Variants in KDM1B observed in about 807,000 individuals in gnomAD.
The protein encoded by KDM1B is lysine demethylase 1B, also known as lysine-specific histone demethylase 2.
A neutral mutation model predicts 107.4 loss-of-function variants in KDM1B; 63 were observed. The observed-to-expected ratio is 0.59, with a 90% CI of 0.48 to 0.72. The LOEUF (loss-of-function observed/expected upper bound fraction) is 0.72. Among genes scored for constraint, KDM1B ranks in the 30% least tolerant of loss-of-function variants. The pLI, the probability that KDM1B is intolerant of heterozygous loss-of-function variation, is 0.00. For missense variants in KDM1B, 749 were observed against 1,020.8 expected (o/e 0.73, Z 3.63); for synonymous variants, 363 against 363.9 (o/e 1.00, Z 0.03).
At chr6:18,190,650 C>T (rs1787221198) in intron 9 of KDM1B, among the ~76,000 whole-genome samples, 1 of 151,944 alleles carries the variant, frequency 6.6e-6, no homozygotes, top group African/African-American at 2.4e-5. Flanking sequence ...CCTGTAATCC[C>T]AGCACTTTGG....
rs551502013 is a variant in KDM1B at position 18,205,773 on chromosome 6, C to G, written c.1659+109C>G. On this transcript the variant is annotated intron_variant, in intron 15 of 21. Coordinates refer to ENST00000650836, the MANE Select transcript of KDM1B (RefSeq NM_001364614.2). This position sits in a 1 kb window ranked among gnomAD's most constrained non-coding sequence, Gnocchi z 5.7. ...CTTTGGGAGGCCGAGGTGGGCAGAT[C>G]ATGAGGTCAGGAGATCGAGACCATC... The G allele has an allele frequency of 1.6e-4, 173 of 1,080,274 alleles. No individual in the cohort carries two copies. Among genetic ancestry groups the G allele is most frequent in the Non-Finnish European group, 2.1e-4 (170 of 815,906 alleles). 66.9% of individuals were successfully genotyped at this position (1,080,274 alleles called of 1,614,324 possible).
At position 18,204,631 on chromosome 6, in the gene KDM1B, C is replaced by T. The variant is rs528251403; in HGVS notation, c.1532-906C>T. 6.6e-6 allele frequency among the ~76,000 whole-genome samples: 1 copy of T among 152,168 alleles called. No homozygotes were observed. The highest frequency in any genetic ancestry group is 2.1e-4 in the South Asian group (1 of 4,832). ...CATCAAGCCAGAACCCTCTTCCAGC[C>T]CTGCTATAAAGGAATGTAAGACAAA... On this transcript the variant is annotated intron_variant, in intron 14 of 21. Transcript: ENST00000650836. The surrounding 1 kb of genome is among the most constrained non-coding windows in gnomAD (Gnocchi z 4.9).
intron 6 of KDM1B, among the ~76,000 whole-genome samples, chr6:18,170,946 G>C (rs1440628163): frequency 6.6e-6 from 1 of 151,886 alleles, no homozygotes; most frequent in Non-Finnish European, 1.5e-5. Flanking sequence ...TCAGCCTCCT[G>C]AGTAGCTGGG....
chr6:18,158,877 TTCTA>T (rs1784795921), intron 2 of KDM1B, among the ~76,000 whole-genome samples: 1 of 152,238 alleles, frequency 6.6e-6, no homozygotes, highest in African/African-American at 2.4e-5. Context: ...ATACCAGTGC[TTCTA>T]TCTAATTTAG....
chr6:18,220,313 C>T (rs923232177), intron 21 of KDM1B, among the ~76,000 whole-genome samples: 5 of 152,170 alleles, frequency 3.3e-5, no homozygotes, highest in African/African-American at 9.7e-5. Context: ...CAGCACATTG[C>T]TGAGACAGGT....
Position 18,197,729 on chromosome 6 carries a change from T to C in KDM1B, c.1221+68T>C. On this transcript the variant is annotated intron_variant, in intron 12 of 21. Transcript: ENST00000650836. The surrounding 1 kb of genome is among the most constrained non-coding windows in gnomAD (Gnocchi z 4.5). ...CTCCTTTTGGTCCAAATTTCTAAGATTTAGAAACCAGTTCCTATTTTTAGT... is the reference window on the plus strand; with the variant it reads ...CTCCTTTTGGTCCAAATTTCTAAGACTTAGAAACCAGTTCCTATTTTTAGT... The C allele has an allele frequency of 1.8e-6, 2 of 1,106,774 alleles. No homozygotes were observed. The highest frequency in any genetic ancestry group is 2.2e-5 in the Admixed American group (1 of 45,910). The allele number at this position is 1,106,774 out of a possible 1,614,324, so 68.6% of individuals were successfully genotyped here.
chr6:18,198,637 C>CAAAAAAA lies in KDM1B; in HGVS notation c.1221+990_1221+996dup, dbSNP rs762849198. Among the ~76,000 whole-genome samples the CAAAAAAA allele has an allele frequency of 3.8e-4, 26 of 69,068 alleles. 1 individual carries two copies. Among genetic ancestry groups the CAAAAAAA allele is most frequent in the Non-Finnish European group, 4.9e-4 (20 of 40,548 alleles). 45.3% of individuals were successfully genotyped at this position (69,068 alleles called of 152,430 possible). A position where few individuals can be genotyped will look rare whatever the true frequency, so the allele number is the denominator to read the frequency against. On this transcript the variant is annotated intron_variant, in intron 12 of 21. Transcript: ENST00000650836. ...TGGGTGACAGAGCGAGACTCCATCT[C>CAAAAAAA]AAAAAAAAAAAAAAAAAAAACAAAA... is the stretch of plus-strand genomic sequence containing the variant.
intron 17 of KDM1B, among the ~76,000 whole-genome samples, chr6:18,210,356 T>G (rs1468591965): frequency 1.3e-4 from 7 of 52,270 alleles, no homozygotes; most frequent in Non-Finnish European, 1.5e-4. Flanking sequence ...TTTTTTTTTT[T>G]TTTTTTTTTT....
Position 18,212,191 on chromosome 6 carries a change from C to G in KDM1B, c.1867-297C>G, listed in dbSNP as rs1219360833. On this transcript the variant is annotated intron_variant, in intron 17 of 21. Coordinates refer to ENST00000650836, the MANE Select transcript of KDM1B (RefSeq NM_001364614.2). This position sits in a 1 kb window ranked among gnomAD's most constrained non-coding sequence, Gnocchi z 5.2. ...AACTCCTGACCTCAGGTGATCCACC[C>G]GCCTCGGCCTCTCAAAGTGCTGGGA... 1 of 284,958 alleles carries G rather than the reference C, an allele frequency of 3.5e-6. No homozygotes were observed. Among genetic ancestry groups the G allele is most frequent in the Non-Finnish European group, 6.8e-6 (1 of 147,582 alleles). The allele number at this position is 284,958 out of a possible 1,614,324, so 17.7% of individuals were successfully genotyped here. A position where few individuals can be genotyped will look rare whatever the true frequency, so the allele number is the denominator to read the frequency against.
At chr6:18,160,197 G>A (rs1038060000) in intron 3 of KDM1B, among the ~76,000 whole-genome samples, 12 of 152,288 alleles carry the variant, frequency 7.9e-5, no homozygotes, top group African/African-American at 2.4e-4. Context: ...GTATAAAGGC[G>A]TAGAGTGTGA....
Position 18,197,333 on chromosome 6 carries a change from A to T in KDM1B, c.1146+100A>T. ...TAGTAAAAGCCACATTATCACCATAAAACTTAACAGAAGCAAGGCTTTCGC... is the reference window on the plus strand; with the variant it reads ...TAGTAAAAGCCACATTATCACCATATAACTTAACAGAAGCAAGGCTTTCGC... On this transcript the variant is annotated intron_variant, in intron 11 of 21. Coordinates refer to ENST00000650836, the MANE Select transcript of KDM1B (RefSeq NM_001364614.2). This position sits in a 1 kb window ranked among gnomAD's most constrained non-coding sequence, Gnocchi z 4.5. The T allele has an allele frequency of 8.8e-7, 1 of 1,130,198 alleles. No homozygotes were observed. The highest frequency in any genetic ancestry group is 1.2e-6 in the Non-Finnish European group (1 of 800,442). The allele number at this position is 1,130,198 out of a possible 1,614,324, so 70.0% of individuals were successfully genotyped here. A position where few individuals can be genotyped will look rare whatever the true frequency, so the allele number is the denominator to read the frequency against.
intron 15 of KDM1B, among the ~76,000 whole-genome samples, chr6:18,207,151 G>A (rs1788431498): frequency 6.6e-6 from 1 of 152,174 alleles, no homozygotes; most frequent in South Asian, 2.1e-4. Flanking sequence ...TAGAAAATCA[G>A]CTTCTATTTT....
At chr6:18,160,447 T>C (rs1399934984) in intron 3 of KDM1B, among the ~76,000 whole-genome samples, 1 of 152,112 alleles carries the variant, frequency 6.6e-6, no homozygotes, top group African/African-American at 2.4e-5. Flanking sequence ...TTATTTAAAA[T>C]AGAGGGGGCC....
rs1788309568 is a variant in KDM1B at position 18,205,552 on chromosome 6, T to A, written c.1547T>A (p.Ile516Asn). The A allele has an allele frequency of 6.5e-7, 1 of 1,547,142 alleles. No individual in the cohort carries two copies. Among genetic ancestry groups the A allele is most frequent in the African/African-American group, 1.4e-5 (1 of 72,682 alleles). Reference protein sequence around the residue: ...DVPLGEKIEEIYKAFIKESGI... With the variant: ...DVPLGEKIEENYKAFIKESGI... ...CCCATTACAGAAAAGATAGAAGAAATCTACAAGGCATTTATTAAGGAATCT... is the reference window on the plus strand; with the variant it reads ...CCCATTACAGAAAAGATAGAAGAAAACTACAAGGCATTTATTAAGGAATCT... Residue 516 changes from isoleucine (I) to asparagine (N), a missense_variant, in exon 15 of 22, where the codon ATC (isoleucine) becomes AAC (asparagine). By Grantham distance (149) the Ile-to-Asn change is moderately radical. Coordinates refer to ENST00000650836, the MANE Select transcript of KDM1B (RefSeq NM_001364614.2). This position sits in a 1 kb window ranked among gnomAD's most constrained non-coding sequence, Gnocchi z 5.7.
chr6:18,177,089 C>G (rs995666416), intron 7 of KDM1B, among the ~76,000 whole-genome samples: 2 of 152,192 alleles, frequency 1.3e-5, no homozygotes, highest in African/African-American at 4.8e-5. Flanking sequence ...GTGAATCCAT[C>G]TGGTCCTGGA....
Position 18,222,261 on chromosome 6 carries a change from C to T in KDM1B, c.*269C>T, listed in dbSNP as rs1307737808. 1.8e-6 allele frequency: 1 copy of T among 545,854 alleles called. No individual in the cohort carries two copies. Among genetic ancestry groups the T allele is most frequent in the Non-Finnish European group, 3.5e-6 (1 of 289,004 alleles). The allele number at this position is 545,854 out of a possible 1,614,324, so 33.8% of individuals were successfully genotyped here. ...TCAGAATAAAGCAGAATGTAAGTTT[C>T]AGTTGAGGCCATGGATTTGATTGTT... On this transcript the variant is annotated 3_prime_UTR_variant, in exon 22 of 22. Coordinates refer to ENST00000650836, the MANE Select transcript of KDM1B (RefSeq NM_001364614.2).
intron 20 of KDM1B, among the ~76,000 whole-genome samples, chr6:18,217,380 T>G (rs1351676247): frequency 2.2e-5 from 1 of 46,206 alleles, no homozygotes; most frequent in Non-Finnish European, 3.7e-5. Context: ...TCTCCCTTCT[T>G]TTTTTTTTTT....
At chr6:18,164,115 A>C (rs970784849) in intron 5 of KDM1B, among the ~76,000 whole-genome samples, 2 of 151,900 alleles carry the variant, frequency 1.3e-5, no homozygotes, top group East Asian at 3.9e-4. Flanking sequence ...TTTCAGTTCT[A>C]TATATTTTTA....
intron 12 of KDM1B, among the ~76,000 whole-genome samples, chr6:18,198,902 T>A (rs1787844425): frequency 6.8e-6 from 1 of 146,402 alleles, no homozygotes; most frequent in Non-Finnish European, 1.5e-5. Flanking sequence ...GCACAGTGGC[T>A]CAGTGCCTGT....
Sources: gnomAD v4.1 joint callset for allele counts (sites outside exome capture counted in the v4.1 genomes callset) on GRCh38, gnomAD v4.1.1 for gene constraint, Gnocchi (gnomAD v3.1) non-coding constraint, MANE v1.5 for transcripts, NCBI Gene and HGNC (gene_info 2026-07-23, HGNC 2026-07-21) for gene names.